Variants in GPR160 observed in about 807,000 individuals in gnomAD.
The protein encoded by GPR160 is probable G protein-coupled receptor 160.
In GPR160, 2 loss-of-function variants were observed where a neutral mutation model predicts 2.6. The observed-to-expected ratio is 0.77, with a 90% CI of 0.32 to 2.44. The LOEUF (loss-of-function observed/expected upper bound fraction) is 2.44, where lower values mean the gene tolerates loss of function less well. Ranked by LOEUF, GPR160 falls within the 30% of genes most tolerant of loss-of-function variation. The pLI, the probability that GPR160 is intolerant of heterozygous loss-of-function variation, is 0.11. For missense variants in GPR160, 351 were observed against 383.6 expected, an observed-to-expected ratio of 0.91 and a Z score of 0.71; for synonymous variants, 130 against 132.2, an observed-to-expected ratio of 0.98 and a Z score of 0.12.
chr3:170,073,881 A>ATTTTTT (rs35575462), intron 2 of GPR160, among the ~76,000 whole-genome samples: 97 of 81,836 alleles, frequency 1.2e-3, no homozygotes, highest in East Asian at 1.9e-3. Flanking sequence ...TTTAATAGGG[A>ATTTTTT]TTTTTTTTTT....
rs1049269309 is a variant in GPR160 at position 170,084,760 on chromosome 3, T to C, written c.788T>C (p.Val263Ala). The C allele has an allele frequency of 4.4e-6, 7 of 1,608,048 alleles. No individual in the cohort carries two copies. In the Admixed American group the frequency reaches 6.7e-5, roughly 15 times the overall value. ...TTTGTACTACTTCAGGTAATCATTG[T>C]TTTACTTAAAGTTCAGATTCCAGCA... ...LPFVLLQVII[V>A]LLKVQIPAYI... The change falls in exon 4 of 4, where the codon GTT (valine) becomes GCT (alanine). Residue 263 changes from valine (V) to alanine (A), a missense_variant. Transcript: ENST00000355897.
At chr3:170,073,520 T>A (rs1712702174) in intron 2 of GPR160, among the ~76,000 whole-genome samples, 1 of 152,240 alleles carries the variant, frequency 6.6e-6, no homozygotes, top group Non-Finnish European at 1.5e-5. Context: ...TGCATCTGCG[T>A]CTCTTCAGGT....
chr3:170,060,625 T>G (rs1315794334), intron 2 of GPR160, among the ~76,000 whole-genome samples: 1 of 151,906 alleles, frequency 6.6e-6, no homozygotes, highest in Non-Finnish European at 1.5e-5. Flanking sequence ...AAAAATTAAC[T>G]GGGCATGGTG....
At chr3:170,073,760 G>A (rs1712712690) in intron 2 of GPR160, among the ~76,000 whole-genome samples, 1 of 151,834 alleles carries the variant, frequency 6.6e-6, no homozygotes, top group African/African-American at 2.4e-5. Context: ...GAGTTGGGAG[G>A]TACTCTTTAA....
chr3:170,057,676 G>C (rs1711716659), intron 2 of GPR160, among the ~76,000 whole-genome samples: 2 of 152,250 alleles, frequency 1.3e-5, no homozygotes, highest in Non-Finnish European at 2.9e-5. Flanking sequence ...GCTTCTGGAA[G>C]TTTCAGAGAC....
chr3:170,072,522 G>C (rs1054144213), intron 2 of GPR160, among the ~76,000 whole-genome samples: 1 of 152,136 alleles, frequency 6.6e-6, no homozygotes, highest in Non-Finnish European at 1.5e-5. Context: ...GGTTTATTTG[G>C]CTCATGGTTC....
intron 2 of GPR160, among the ~76,000 whole-genome samples, chr3:170,076,351 A>C (rs1327684251): frequency 2.0e-5 from 3 of 152,282 alleles, no homozygotes; most frequent in South Asian, 2.1e-4. Context: ...GAGTTGAGTG[A>C]CTTTTTTTTT....
At position 170,038,665 on chromosome 3, in the gene GPR160, C is replaced by CGCGT. The variant is rs1012202028; in HGVS notation, c.-321-243_-321-240dup. 6 of 151,928 alleles carry CGCGT rather than the reference C, an allele frequency of 3.9e-5. No homozygotes were observed. Among genetic ancestry groups the CGCGT allele is most frequent in the East Asian group, 2.0e-4 (1 of 5,102 alleles). The allele number at this position is 151,928 out of a possible 1,614,324, so 9.4% of individuals were successfully genotyped here. A position where few individuals can be genotyped will look rare whatever the true frequency, so the allele number is the denominator to read the frequency against. On this transcript the variant is annotated intron_variant, in intron 1 of 3. Transcript: ENST00000355897. This position sits in a 1 kb window ranked among gnomAD's most constrained non-coding sequence, Gnocchi z 5.3. ...AGTCTCACACACACGCGCGCGCGCG[C>CGCGT]GCGTGCGTGCATTCATTGGGGCCGA... is the stretch of plus-strand genomic sequence containing the variant.
chr3:170,081,375 G>C (rs1713117302), intron 3 of GPR160, among the ~76,000 whole-genome samples: 1 of 151,958 alleles, frequency 6.6e-6, no homozygotes, highest in South Asian at 2.1e-4. Context: ...TAAATACAGG[G>C]GAAAAAAACT....
chr3:170,078,232 C>T (rs912620051), intron 2 of GPR160, among the ~76,000 whole-genome samples: 4 of 152,068 alleles, frequency 2.6e-5, no homozygotes, highest in African/African-American at 9.7e-5. Flanking sequence ...AATGGGGTCC[C>T]AGTAACATCT....
intron 2 of GPR160, among the ~76,000 whole-genome samples, chr3:170,073,081 G>A (rs1453988135): frequency 6.6e-6 from 1 of 152,042 alleles, no homozygotes; most frequent in Non-Finnish European, 1.5e-5. Context: ...CCAGCTACTT[G>A]GGAGGCTAAG....
Position 170,084,770 on chromosome 3 carries a change from AGTTCAG to A in GPR160, c.799_804del (p.Val267_Gln268del). 2 of 1,607,642 alleles carry A rather than the reference AGTTCAG, an allele frequency of 1.2e-6. No homozygotes were observed. Among genetic ancestry groups the A allele is most frequent in the Non-Finnish European group, 1.7e-6 (2 of 1,174,542 alleles). Reference sequence around the variant, plus strand: ...TTCAGGTAATCATTGTTTTACTTAAAGTTCAGATTCCAGCATATATTGAGATGAATA... The same window carrying A: ...TTCAGGTAATCATTGTTTTACTTAAAATTCCAGCATATATTGAGATGAATA... On this transcript the variant is annotated inframe_deletion, in exon 4 of 4. Transcript: ENST00000355897.
chr3:170,061,093 G>A (rs146717569), intron 2 of GPR160, among the ~76,000 whole-genome samples: 62 of 152,094 alleles, frequency 4.1e-4, no homozygotes, highest in Admixed American at 1.1e-3. Context: ...TGACCAACAT[G>A]GTGAAACCAC....
At chr3:170,054,012 C>T (rs1357584903) in intron 2 of GPR160, among the ~76,000 whole-genome samples, 19 of 151,058 alleles carry the variant, frequency 1.3e-4, no homozygotes, top group African/African-American at 4.4e-4. Context: ...GGCATTTGTG[C>T]ATGGAATATT....
At chr3:170,062,809 A>G (rs1712036688) in intron 2 of GPR160, 1 of 637,472 alleles carries the variant, frequency 1.6e-6, no homozygotes, top group Non-Finnish European at 2.8e-6. Context: ...GAAAGAATAG[A>G]TGAATTGGTT....
chr3:170,041,891 C>T (rs1244068296), intron 2 of GPR160, among the ~76,000 whole-genome samples: 6 of 152,174 alleles, frequency 3.9e-5, no homozygotes, highest in African/African-American at 7.2e-5. Flanking sequence ...AATGTTTACT[C>T]TCCTCTGTAG....
intron 2 of GPR160, chr3:170,057,249 C>T (rs1380666990): frequency 1.3e-5 from 2 of 152,154 alleles, no homozygotes; most frequent in Admixed American, 6.5e-5. Context: ...AAGCTGCAGG[C>T]CTCTCCAGCA....
intron 2 of GPR160, chr3:170,062,700 C>A: frequency 7.1e-7 from 1 of 1,412,482 alleles, no homozygotes. Context: ...AAACAGGCCC[C>A]CGAAAAAAAG....
In GPR160 at chr3:170,084,241, C is replaced by T; in HGVS notation, c.269C>T (p.Thr90Ile). ...RDFVLLSIRFTKYHICLFTQI... is the reference protein window; with the variant it reads ...RDFVLLSIRFIKYHICLFTQI... The stretch of plus-strand genomic sequence containing the variant: ...TTTGTACTTTTAAGCATTAGGTTCA[C>T]TAAATACCACATCTGCCTATTTACT... Residue 90 changes from threonine to isoleucine, a missense_variant, in exon 4 of 4, where the codon ACT (threonine) becomes ATT (isoleucine). Transcript: ENST00000355897. 3.7e-6 allele frequency: 6 copies of T among 1,607,166 alleles called. No homozygotes were observed. Among genetic ancestry groups the T allele is most frequent in the Non-Finnish European group, 5.1e-6 (6 of 1,174,956 alleles).
Sources: allele counts gnomAD v4.1 joint callset (sites outside exome capture counted in the v4.1 genomes callset), GRCh38; gene constraint gnomAD v4.1.1; non-coding constraint Gnocchi (gnomAD v3.1); transcripts MANE v1.5; gene names NCBI Gene and HGNC (gene_info 2026-07-23, HGNC 2026-07-21).